Variants in TTLL5 observed in about 807,000 individuals in gnomAD.
The protein encoded by TTLL5 is tubulin polyglutamylase TTLL5.
TTLL5 carries 132 observed loss-of-function variants against 168.4 expected under a neutral mutation model. That is an observed-to-expected ratio of 0.78 (90% CI 0.68 to 0.91). The LOEUF is 0.91. Among genes scored for constraint, TTLL5 ranks in the 40% least tolerant of loss-of-function variants. The pLI is 0.00. For synonymous variants in TTLL5, 546 were observed against 558.6 expected (o/e 0.98, Z 0.32); for missense variants, 1,545 against 1,581.5 (o/e 0.98, Z 0.39).
intron 31 of TTLL5, among the ~76,000 whole-genome samples, chr14:75,948,909 C>T (rs1001928192): frequency 1.3e-5 from 2 of 152,084 alleles, no homozygotes; most frequent in Non-Finnish European, 2.9e-5. Context: ...TCCAAATATT[C>T]CTTTAATTAT....
intron 24 of TTLL5, among the ~76,000 whole-genome samples, chr14:75,780,429 A>C (rs1891979004): frequency 6.6e-6 from 1 of 152,192 alleles, no homozygotes; most frequent in South Asian, 2.1e-4. Context: ...TTTGGAATTG[A>C]ATATGGATGT....
At chr14:75,909,599 C>A (rs1056546239) in intron 31 of TTLL5, among the ~76,000 whole-genome samples, 1 of 152,120 alleles carries the variant, frequency 6.6e-6, no homozygotes, top group African/African-American at 2.4e-5. Context: ...GCCACACCAA[C>A]TTTGACATAC....
chr14:75,778,479 T>C (rs1483357310), intron 23 of TTLL5, among the ~76,000 whole-genome samples: 4 of 152,212 alleles, frequency 2.6e-5, no homozygotes, highest in African/African-American at 9.6e-5. Flanking sequence ...GGCAAAGGTT[T>C]GCACCCTCAG....
intron 2 of TTLL5, among the ~76,000 whole-genome samples, chr14:75,667,760 T>G (rs990881209): frequency 2.1e-5 from 3 of 143,388 alleles, no homozygotes; most frequent in South Asian, 2.3e-4. Flanking sequence ...TGTTTTTTTT[T>G]TTTTTTTTTT....
chr14:75,727,948 T>G (rs1888287782), intron 12 of TTLL5: 3 of 412,910 alleles, frequency 7.3e-6, no homozygotes, highest in Non-Finnish European at 1.4e-5. Flanking sequence ...GGCATGTGGG[T>G]TACATGGATA....
At chr14:75,786,406 G>A (rs970814442) in intron 26 of TTLL5, among the ~76,000 whole-genome samples, 1 of 152,058 alleles carries the variant, frequency 6.6e-6, no homozygotes, top group Non-Finnish European at 1.5e-5. Context: ...GATATCTATT[G>A]TGATTTCTTT....
chr14:75,874,076 C>CTTTATTTA lies in TTLL5; in HGVS notation c.3523-8585_3523-8578dup, dbSNP rs143951017. ...TTAATACCATGATTAAATGGTTATT[C>CTTTATTTA]TTTATTTATTTATTTATTTATTTAT... On this transcript the variant is annotated intron_variant, in intron 29 of 31. Transcript: ENST00000298832. Among the ~76,000 whole-genome samples, 228 of 149,972 alleles carry CTTTATTTA rather than the reference C, an allele frequency of 1.5e-3. 5 individuals carry two copies. The highest frequency in any genetic ancestry group is 5.2e-3 in the African/African-American group (210 of 40,662).
intron 26 of TTLL5, among the ~76,000 whole-genome samples, chr14:75,786,164 C>G (rs1892349997): frequency 6.6e-6 from 1 of 152,046 alleles, no homozygotes; most frequent in Non-Finnish European, 1.5e-5. Context: ...ATGTATATAT[C>G]TGCTAATTCT....
At chr14:75,843,098 TTGC>T (rs1348988897) in intron 28 of TTLL5, among the ~76,000 whole-genome samples, 1 of 152,210 alleles carries the variant, frequency 6.6e-6, no homozygotes, top group Non-Finnish European at 1.5e-5. Context: ...TTTTCTCCCC[TTGC>T]TGTCCTGAGA....
Position 75,771,849 on chromosome 14 carries a change from C to CAGAT in TTLL5, c.2132_2135dup (p.Met712IlefsTer15), listed in dbSNP as rs781415819. The CAGAT allele has an allele frequency of 4.1e-5, 66 of 1,612,870 alleles. No individual in the cohort carries two copies. The highest frequency in any genetic ancestry group is 5.4e-5 in the Non-Finnish European group (64 of 1,179,540). ...CAGTTGGGCTGCCAAAGAGGATGAA[C>CAGAT]AGATGGTAAGGCTTTTCTTACTGAA... On this transcript the variant is annotated frameshift_variant, in exon 21 of 32. Coordinates refer to ENST00000298832, the MANE Select transcript of TTLL5 (RefSeq NM_015072.5). LOFTEE classifies it high-confidence loss of function.
At chr14:75,679,351 G>A (rs1229160165) in intron 3 of TTLL5, among the ~76,000 whole-genome samples, 2 of 152,170 alleles carry the variant, frequency 1.3e-5, no homozygotes, top group East Asian at 3.8e-4. Context: ...TAAGCCATAA[G>A]CCAAGGAATG....
chr14:75,882,956 G>A, intron 30 of TTLL5, 54 bp downstream of exon 30: 1 of 1,561,370 alleles, frequency 6.4e-7, no homozygotes, highest in African/African-American at 1.4e-5. Flanking sequence ...TAAGCTAATA[G>A]TACTCTTTAT....
At chr14:75,669,332 T>C (rs1883535338) in intron 2 of TTLL5, 84 bp from the exon 3 acceptor site, 2 of 1,272,332 alleles carry the variant, frequency 1.6e-6, no homozygotes, top group Admixed American at 4.3e-5. Context: ...GGAAACTTGC[T>C]AAGCAACAAA....
chr14:75,737,892 A>T (rs1889007978), intron 15 of TTLL5, among the ~76,000 whole-genome samples: 1 of 152,178 alleles, frequency 6.6e-6, no homozygotes, highest in Non-Finnish European at 1.5e-5. Flanking sequence ...CATATCTATC[A>T]CTTTGACCAA....
At chr14:75,706,293 T>A (rs1886656107) in intron 7 of TTLL5, among the ~76,000 whole-genome samples, 1 of 152,246 alleles carries the variant, frequency 6.6e-6, no homozygotes, top group South Asian at 2.1e-4. Context: ...TTGCTGTTCC[T>A]CTACCTAAAT....
At position 75,771,721 on chromosome 14, in the gene TTLL5, T is replaced by C. The variant is rs773074946; in HGVS notation, c.2016-13T>C. The C allele has an allele frequency of 1.9e-6, 3 of 1,613,016 alleles. No homozygotes were observed. The highest frequency in any genetic ancestry group is 2.2e-5 in the East Asian group (1 of 44,846). ...TCTGTCACATAACGGTATGTTGTTTTGGATTTCTATAGCAAAATGCAGGCC... is the reference window on the plus strand; with the variant it reads ...TCTGTCACATAACGGTATGTTGTTTCGGATTTCTATAGCAAAATGCAGGCC... On this transcript the variant is annotated splice_polypyrimidine_tract_variant and intron_variant, in intron 20 of 31. Transcript: ENST00000298832.
Position 75,776,854 on chromosome 14 carries a change from G to A in TTLL5, c.2387+4G>A. 6.2e-7 allele frequency: 1 copy of A among 1,606,284 alleles called. No individual in the cohort carries two copies. Among genetic ancestry groups the A allele is most frequent in the South Asian group, 1.1e-5 (1 of 90,680 alleles). The stretch of plus-strand genomic sequence containing the variant: ...AGGAGTTCATCAGACAAGCAAGGTA[G>A]TAGACATTCTTGATTGATAAAAGCT... On this transcript the variant is annotated splice_donor_region_variant and intron_variant, in intron 23 of 31. Coordinates refer to ENST00000298832, the MANE Select transcript of TTLL5 (RefSeq NM_015072.5).
At chr14:75,921,531 T>C (rs2033824186) in intron 31 of TTLL5, among the ~76,000 whole-genome samples, 1 of 152,202 alleles carries the variant, frequency 6.6e-6, no homozygotes, top group Non-Finnish European at 1.5e-5. Context: ...GATCAGATTG[T>C]TGTAGATGTG....
At position 75,955,023 on chromosome 14, in the gene TTLL5, T is replaced by C. The variant is rs1335346876; in HGVS notation, c.*577T>C. 1 of 152,278 alleles carries C rather than the reference T, an allele frequency of 6.6e-6. No homozygotes were observed. The allele number at this position is 152,278 out of a possible 1,614,324, so 9.4% of individuals were successfully genotyped here. A position where few individuals can be genotyped will look rare whatever the true frequency, so the allele number is the denominator to read the frequency against. On this transcript the variant is annotated 3_prime_UTR_variant, in exon 32 of 32. Coordinates refer to ENST00000298832, the MANE Select transcript of TTLL5 (RefSeq NM_015072.5). The stretch of plus-strand genomic sequence containing the variant: ...GTGCCATTGACAACATGAGCCAGGG[T>C]AAAGGCACCCTTTGGAATTACTGAT...
Sources: gnomAD v4.1 joint callset for allele counts (sites outside exome capture counted in the v4.1 genomes callset) on GRCh38, gnomAD v4.1.1 for gene constraint, MANE v1.5 for transcripts, NCBI Gene and HGNC (gene_info 2026-07-23, HGNC 2026-07-21) for gene names.